CCDC134: variants seen among roughly 807,000 people sequenced by gnomAD.
CCDC134 encodes the protein coiled-coil domain-containing protein 134.
A neutral mutation model predicts 25.6 loss-of-function variants in CCDC134; 27 were observed. The ratio of observed to expected loss-of-function variants is 1.05; its 90% CI spans 0.78 to 1.45. The LOEUF is 1.45. CCDC134 is among the 40% of genes most tolerant of loss of function. The probability of loss-of-function intolerance (pLI) is 0.00; values close to 1 mark genes in which losing one functional copy is unlikely to be tolerated. For synonymous variants in CCDC134, 110 were observed against 115.0 expected (o/e 0.96, Z 0.28); for missense variants, 261 against 286.7 (o/e 0.91, Z 0.65).
At chr22:41,803,262 CA>C (rs2076552852) in intron 1 of CCDC134, among the ~76,000 whole-genome samples, 1 of 152,068 alleles carries the variant, frequency 6.6e-6, no homozygotes, top group Non-Finnish European at 1.5e-5. Flanking sequence ...GACCCTGCCT[CA>C]AAAAACCCCA....
rs115404935 is a variant in CCDC134, at chr22:41,829,348, C to T, written c.*3525C>T. Among the ~76,000 whole-genome samples the T allele has an allele frequency of 4.8e-3, 733 of 152,292 alleles. 7 individuals carry two copies. Among genetic ancestry groups the T allele is most frequent in the African/African-American group, 0.015 (643 of 41,544 alleles). On this transcript the variant is annotated 3_prime_UTR_variant, in exon 7 of 7. Transcript: ENST00000255784. ...GGATTCTTCTTTCCTCACCTGCCCC[C>T]GTTTGCATGAAGTTTTTTATGGAGC...
At chr22:41,805,778 A>T (rs1343651315) in intron 1 of CCDC134, among the ~76,000 whole-genome samples, 1 of 152,224 alleles carries the variant, frequency 6.6e-6, no homozygotes, top group African/African-American at 2.4e-5. Flanking sequence ...AAAAGATTTT[A>T]AAAATTATAA....
At chr22:41,817,466 G>T (rs2076628081) in intron 6 of CCDC134, among the ~76,000 whole-genome samples, 1 of 151,912 alleles carries the variant, frequency 6.6e-6, no homozygotes, top group South Asian at 2.1e-4. Flanking sequence ...AGGCATGGTG[G>T]CTCACACCTG....
Position 41,829,274 on chromosome 22 carries a change from CTTG to C in CCDC134, c.*3459_*3461del, listed in dbSNP as rs1230477519. On this transcript the variant is annotated 3_prime_UTR_variant, in exon 7 of 7. Transcript: ENST00000255784. ...AGCTCCTTGAGGTGATTCTCTCAGG[CTTG>C]TTGTTGTAGTTCTCTGCTGTCAAGT... Among the ~76,000 whole-genome samples, 10 of 152,288 alleles carry C rather than the reference CTTG, an allele frequency of 6.6e-5. No homozygotes were observed. Among genetic ancestry groups the C allele is most frequent in the Non-Finnish European group, 1.0e-4 (7 of 68,016 alleles).
At chr22:41,820,965 G>A (rs2076649077) in intron 6 of CCDC134, among the ~76,000 whole-genome samples, 1 of 152,182 alleles carries the variant, frequency 6.6e-6, no homozygotes, top group South Asian at 2.1e-4. Flanking sequence ...TGAGGACTGA[G>A]GCCTGGGATG....
At chr22:41,822,716 T>C (rs1465570451) in intron 6 of CCDC134, among the ~76,000 whole-genome samples, 3 of 152,164 alleles carry the variant, frequency 2.0e-5, no homozygotes, top group Non-Finnish European at 4.4e-5. Context: ...CTCTGTGGCC[T>C]AAGGGGTCTC....
At chr22:41,802,667 C>T (rs908538032) in intron 1 of CCDC134, among the ~76,000 whole-genome samples, 2 of 152,114 alleles carry the variant, frequency 1.3e-5, no homozygotes, top group Non-Finnish European at 2.9e-5. Context: ...GTAATCCCAG[C>T]GCTTTGGGAG....
At chr22:41,805,839 A>T (rs533281534) in intron 1 of CCDC134, among the ~76,000 whole-genome samples, 1 of 152,310 alleles carries the variant, frequency 6.6e-6, no homozygotes, top group South Asian at 2.1e-4. Context: ...CAGGATGTTG[A>T]GGTAGGAGGC....
rs757901016 is a variant in CCDC134 at position 41,813,416 on chromosome 22, C to G, written c.463C>G (p.Gln155Glu). 1 of 1,614,206 alleles carries G rather than the reference C, an allele frequency of 6.2e-7. No individual in the cohort carries two copies. Residue 155 changes from glutamine (Q) to glutamate (E), a missense_variant, in exon 5 of 7, where the codon CAG becomes GAG. Gln to Glu is a conservative substitution (Grantham distance 29). Transcript: ENST00000255784. Reference sequence around the variant, plus strand: ...CTGCAACCAGACAGGCGTCTTCAACCAGGGGCCCCACTCGCCCATCCTCAG... The same window carrying G: ...CTGCAACCAGACAGGCGTCTTCAACGAGGGGCCCCACTCGCCCATCCTCAG... ...SFCNQTGVFN[Q>E]GPHSPILSLM...
chr22:41,803,184 G>C (rs550919939), intron 1 of CCDC134, among the ~76,000 whole-genome samples: 1 of 152,212 alleles, frequency 6.6e-6, no homozygotes, highest in African/African-American at 2.4e-5. Flanking sequence ...GATCACTTAA[G>C]CCCAGGAGTT....
At position 41,827,431 on chromosome 22, in the gene CCDC134, C is replaced by T. The variant is rs1358633531; in HGVS notation, c.*1608C>T. Among the ~76,000 whole-genome samples the T allele has an allele frequency of 1.3e-5, 2 of 152,094 alleles. No homozygotes were observed. The highest frequency in any genetic ancestry group is 2.9e-5 in the Non-Finnish European group (2 of 68,028). On this transcript the variant is annotated 3_prime_UTR_variant, in exon 7 of 7. Transcript: ENST00000255784. ...CATGGCATTAACAGTGGAGGGTGTC[C>T]AGGTTCTTGATGTCTTGAACAAAGA...
intron 3 of CCDC134, 98 bp from the exon 4 acceptor site, chr22:41,810,109 G>A (rs1439607607): frequency 2.9e-5 from 46 of 1,586,824 alleles, no homozygotes; most frequent in Non-Finnish European, 3.4e-5. Context: ...GGGGAACTGC[G>A]CACACGTAAG....
chr22:41,808,564 A>G (rs932894573), intron 1 of CCDC134, among the ~76,000 whole-genome samples: 2 of 152,174 alleles, frequency 1.3e-5, no homozygotes, highest in Non-Finnish European at 2.9e-5. Context: ...AAGGCTGGGC[A>G]AGCTGCTCGA....
rs868012524 is a variant in CCDC134, at chr22:41,828,627, C to T, written c.*2804C>T. On this transcript the variant is annotated 3_prime_UTR_variant, in exon 7 of 7. Transcript: ENST00000255784. ...CTATTGATTGTTATAGTCACTTGCT[C>T]CAGGAAGTCCACTTGCTGAGTCTTA... Among the ~76,000 whole-genome samples the T allele has an allele frequency of 6.6e-6, 1 of 152,218 alleles. No individual in the cohort carries two copies. Among genetic ancestry groups the T allele is most frequent in the Non-Finnish European group, 1.5e-5 (1 of 68,034 alleles).
chr22:41,812,304 C>T (rs2076600106), intron 4 of CCDC134, among the ~76,000 whole-genome samples: 1 of 151,934 alleles, frequency 6.6e-6, no homozygotes, highest in Non-Finnish European at 1.5e-5. Flanking sequence ...CACCTGTAAT[C>T]CCAGCTACTC....
intron 1 of CCDC134, among the ~76,000 whole-genome samples, chr22:41,804,992 C>A (rs2076561259): frequency 6.6e-6 from 1 of 152,182 alleles, no homozygotes; most frequent in Non-Finnish European, 1.5e-5. Context: ...ATCACTTGAA[C>A]CTGGGAGGTG....
At chr22:41,819,101 CCTGCGTGGACTTGTCTCT>C (rs2076636494) in intron 6 of CCDC134, among the ~76,000 whole-genome samples, 1 of 152,156 alleles carries the variant, frequency 6.6e-6, no homozygotes, top group South Asian at 2.1e-4. Context: ...TTTTTGATAT[CCTGCGTGGACTTGTCTCT>C]CGCAGGAGCC....
chr22:41,816,841 C>T (rs2076624910), intron 6 of CCDC134, among the ~76,000 whole-genome samples: 1 of 152,136 alleles, frequency 6.6e-6, no homozygotes, highest in Non-Finnish European at 1.5e-5. Context: ...TTGCTTGAAC[C>T]CAGGAGGCGG....
rs746927683 is a variant in CCDC134, at chr22:41,813,420, G to T, written c.467G>T (p.Gly156Val). The stretch of plus-strand genomic sequence containing the variant: ...AACCAGACAGGCGTCTTCAACCAGG[G>T]GCCCCACTCGCCCATCCTCAGCCTG... ...FCNQTGVFNQ[G>V]PHSPILSLMA... is the part of the protein sequence containing the mutation. Residue 156 changes from glycine to valine, a missense_variant, in exon 5 of 7, where the codon GGG becomes GTG. Transcript: ENST00000255784. 6.2e-7 allele frequency: 1 copy of T among 1,614,174 alleles called. No individual in the cohort carries two copies. Among genetic ancestry groups the T allele is most frequent in the East Asian group, 2.2e-5 (1 of 44,890 alleles).
Sources: gnomAD v4.1 joint callset for allele counts (sites outside exome capture counted in the v4.1 genomes callset) on GRCh38, gnomAD v4.1.1 for gene constraint, MANE v1.5 for transcripts, NCBI Gene and HGNC (gene_info 2026-07-23, HGNC 2026-07-21) for gene names.